The following ASCC1 variants were observed in gnomAD, a reference collection of about 807,000 sequenced individuals.
The protein encoded by ASCC1 is activating signal cointegrator 1 complex subunit 1, also known as ASC-1 complex subunit P50.
ASCC1 carries 35 observed loss-of-function variants against 46.6 expected under a neutral mutation model. The observed-to-expected ratio is 0.75, with a 90% CI of 0.57 to 0.99. The LOEUF (loss-of-function observed/expected upper bound fraction) is 0.99, where lower values mean the gene tolerates loss of function less well. Among genes scored for constraint, ASCC1 ranks in the 50% least tolerant of loss-of-function variants. The pLI is 0.00. For synonymous variants in ASCC1, 143 were observed against 146.6 expected (o/e 0.98, Z 0.18); for missense variants, 376 against 428.7 (o/e 0.88, Z 1.09).
At chr10:72,151,187 G>A (rs1199582881) in intron 7 of ASCC1, among the ~76,000 whole-genome samples, 2 of 152,148 alleles carry the variant, frequency 1.3e-5, no homozygotes, top group African/African-American at 4.8e-5. Context: ...CAAAGACTTG[G>A]AACCAACCCG....
At chr10:72,195,150 T>TG (rs1232850530) in intron 5 of ASCC1, among the ~76,000 whole-genome samples, 5 of 137,318 alleles carry the variant, frequency 3.6e-5, no homozygotes, top group Non-Finnish European at 7.9e-5. Context: ...TTTTTTTTTT[T>TG]TTTTTTTTTT....
chr10:72,183,004 T>TA (rs150984761), intron 5 of ASCC1, among the ~76,000 whole-genome samples: 30 of 135,956 alleles, frequency 2.2e-4, no homozygotes, highest in South Asian at 9.4e-4. Flanking sequence ...TTATTTCCAA[T>TA]AAAAAAAAAA....
rs557901489 is a variant in ASCC1, at chr10:72,096,569, G to A, written c.*765C>T. 94 of 453,914 alleles carry A rather than the reference G, an allele frequency of 2.1e-4. 1 individual carries two copies. Among genetic ancestry groups the A allele is most frequent in the African/African-American group, 1.7e-3 (83 of 50,068 alleles). 28.1% of individuals were successfully genotyped at this position (453,914 alleles called of 1,614,324 possible). ...TTATTTTGCTAAAGATAAAACTCTG[G>A]GTGGTAAAGGAATTAAAGGCAGAGT... On this transcript the variant is annotated 3_prime_UTR_variant, in exon 10 of 10. Transcript: ENST00000672957.
chr10:72,103,898 C>T (rs529153587), intron 9 of ASCC1, among the ~76,000 whole-genome samples: 1 of 152,176 alleles, frequency 6.6e-6, no homozygotes, highest in African/African-American at 2.4e-5. Flanking sequence ...AACCTACTTA[C>T]AAAACCTTTA....
intron 6 of ASCC1, among the ~76,000 whole-genome samples, chr10:72,161,031 C>A (rs1849624367): frequency 6.6e-6 from 1 of 151,744 alleles, no homozygotes; most frequent in South Asian, 2.1e-4. Flanking sequence ...TGCAGTGAGC[C>A]GAGATTGCGC....
chr10:72,116,132 T>A (rs1395790648), intron 9 of ASCC1, among the ~76,000 whole-genome samples: 1 of 152,254 alleles, frequency 6.6e-6, no homozygotes, highest in Non-Finnish European at 1.5e-5. Flanking sequence ...TGCCTGTCTG[T>A]CCTTCTTTCT....
At chr10:72,190,690 T>C (rs1589546219) in intron 5 of ASCC1, 3 of 646,938 alleles carry the variant, frequency 4.6e-6, no homozygotes, top group East Asian at 5.5e-5. Context: ...ATGAATGCTT[T>C]GTCAAATTAA....
At chr10:72,160,612 G>A (rs1015355148) in intron 6 of ASCC1, among the ~76,000 whole-genome samples, 2 of 151,992 alleles carry the variant, frequency 1.3e-5, no homozygotes, top group African/African-American at 2.4e-5. Context: ...TGTAATCCCA[G>A]CACTTTTGGA....
intron 9 of ASCC1, among the ~76,000 whole-genome samples, chr10:72,122,719 G>A (rs11813921): frequency 0.016 from 2,413 of 148,228 alleles, 64 homozygotes; most frequent in African/African-American, 0.054. Context: ...TCGAGGCTGC[G>A]ATGAGCTATG....
intron 7 of ASCC1, among the ~76,000 whole-genome samples, chr10:72,135,284 C>T (rs1287239782): frequency 6.6e-6 from 1 of 152,176 alleles, no homozygotes; most frequent in East Asian, 1.9e-4. Flanking sequence ...AACAAACACA[C>T]ACGCACACCT....
chr10:72,156,540 A>G (rs1271623437), intron 6 of ASCC1, among the ~76,000 whole-genome samples: 5 of 152,210 alleles, frequency 3.3e-5, no homozygotes, highest in African/African-American at 4.8e-5. Flanking sequence ...AGGCGGGTGG[A>G]TCATGAGGTC....
At chr10:72,189,947 G>A (rs180778604) in intron 5 of ASCC1, 5 of 741,234 alleles carry the variant, frequency 6.7e-6, no homozygotes, top group South Asian at 1.4e-5. Context: ...CAAGACAAGT[G>A]CACACAAGTA....
At chr10:72,192,904 A>G (rs1010219302) in intron 5 of ASCC1, among the ~76,000 whole-genome samples, 14 of 152,248 alleles carry the variant, frequency 9.2e-5, no homozygotes, top group African/African-American at 3.1e-4. Context: ...ATTAGCCATT[A>G]AAGAAATGTA....
intron 7 of ASCC1, among the ~76,000 whole-genome samples, chr10:72,150,124 G>C (rs981873827): frequency 6.6e-6 from 1 of 151,974 alleles, no homozygotes; most frequent in Middle Eastern, 3.4e-3. Flanking sequence ...AGCAGATGTT[G>C]CAGTGAGCTG....
chr10:72,118,966 A>C (rs1197881568), intron 9 of ASCC1, among the ~76,000 whole-genome samples: 1 of 152,194 alleles, frequency 6.6e-6, no homozygotes, highest in Non-Finnish European at 1.5e-5. Context: ...AAACCTTGAC[A>C]ACTCTTCATA....
At position 72,096,144 on chromosome 10, in the gene ASCC1, AAAGAAT is replaced by A; in HGVS notation, c.*1184_*1189del. 2.2e-6 allele frequency: 1 copy of A among 454,150 alleles called. No homozygotes were observed. The allele number at this position is 454,150 out of a possible 1,614,324, so 28.1% of individuals were successfully genotyped here. On this transcript the variant is annotated 3_prime_UTR_variant, in exon 10 of 10. Coordinates refer to ENST00000672957, the MANE Select transcript of ASCC1 (RefSeq NM_001198800.3). ...TAACACAGAGTTCAGAAGTGCAGTT[AAAGAAT>A]ATAAAGAGAGAAAGAATCAAGGCAA...
chr10:72,182,712 A>G (rs1278845863), intron 5 of ASCC1, among the ~76,000 whole-genome samples: 2 of 152,096 alleles, frequency 1.3e-5, no homozygotes, highest in African/African-American at 4.8e-5. Context: ...ATGGTGGCTC[A>G]CATCTATAAT....
chr10:72,128,013 C>A, intron 9 of ASCC1, 69 bp downstream of exon 9: 1 of 1,174,014 alleles, frequency 8.5e-7, no homozygotes, highest in Non-Finnish European at 1.3e-6. Context: ...ATACGGAGAA[C>A]TACTTGTTTT....
intron 7 of ASCC1, among the ~76,000 whole-genome samples, chr10:72,152,186 G>GT (rs1848437960): frequency 7.3e-6 from 1 of 136,562 alleles, no homozygotes; most frequent in African/African-American, 2.9e-5. Context: ...TTTTTTTTTT[G>GT]TTTTTTGTGT....
Sources: allele counts gnomAD v4.1 joint callset (sites outside exome capture counted in the v4.1 genomes callset), GRCh38; gene constraint gnomAD v4.1.1; transcripts MANE v1.5; gene names NCBI Gene and HGNC (gene_info 2026-07-23, HGNC 2026-07-21).